The following CDH18 variants were observed in gnomAD, a reference collection of about 807,000 sequenced individuals.
CDH18 encodes cadherin 18.
In CDH18, 31 loss-of-function variants were observed where a neutral mutation model predicts 67.9. The ratio of observed to expected loss-of-function variants is 0.46; its 90% CI spans 0.34 to 0.62. The LOEUF (loss-of-function observed/expected upper bound fraction) is 0.62. Among genes scored for constraint, CDH18 ranks in the 20% least tolerant of loss-of-function variants. The pLI, the probability that CDH18 is intolerant of heterozygous loss-of-function variation, is 0.01. For missense variants in CDH18, 890 were observed against 975.5 expected, an observed-to-expected ratio of 0.91 and a Z score of 1.17; for synonymous variants, 362 against 347.2, an observed-to-expected ratio of 1.04 and a Z score of -0.48.
chr5:19,586,860 G>A (rs910196512), intron 7 of CDH18, among the ~76,000 whole-genome samples: 25 of 151,978 alleles, frequency 1.6e-4, no homozygotes, highest in African/African-American at 5.1e-4. Context: ...CCACAACCTC[G>A]TTAGCATCTG....
intron 2 of CDH18, among the ~76,000 whole-genome samples, chr5:20,157,439 TTTTA>T (rs1402229266): frequency 6.6e-6 from 1 of 152,128 alleles, no homozygotes; most frequent in Non-Finnish European, 1.5e-5. Flanking sequence ...TATTTTATTT[TTTTA>T]TTTATTTTCA....
intron 5 of CDH18, among the ~76,000 whole-genome samples, chr5:19,680,730 C>T (rs1037316948): frequency 6.6e-6 from 1 of 151,878 alleles, no homozygotes; most frequent in Non-Finnish European, 1.5e-5. Flanking sequence ...CATCTCACAC[C>T]AGACAGAATA....
chr5:19,949,850 G>A (rs376695717), intron 2 of CDH18, among the ~76,000 whole-genome samples: 1 of 151,774 alleles, frequency 6.6e-6, no homozygotes, highest in Non-Finnish European at 1.5e-5. Context: ...TCTACCCAGA[G>A]GAAAAGAAGT....
chr5:20,284,104 A>G (rs981620690), intron 1 of CDH18, among the ~76,000 whole-genome samples: 1 of 151,944 alleles, frequency 6.6e-6, no homozygotes, highest in Non-Finnish European at 1.5e-5. Flanking sequence ...GGGGCTGGGG[A>G]TGGTAGCGGG....
At chr5:19,630,976 G>A (rs1204389044) in intron 5 of CDH18, among the ~76,000 whole-genome samples, 3 of 151,886 alleles carry the variant, frequency 2.0e-5, no homozygotes, top group Non-Finnish European at 4.4e-5. Context: ...ACCAGAAATT[G>A]TATCACTTTT....
chr5:20,366,669 A>G (rs982295162), intron 1 of CDH18, among the ~76,000 whole-genome samples: 2 of 152,184 alleles, frequency 1.3e-5, no homozygotes, highest in African/African-American at 4.8e-5. Context: ...TAATTCATCA[A>G]CAGAGTTGTT....
intron 7 of CDH18, among the ~76,000 whole-genome samples, chr5:19,585,749 CACGTAGGTACTA>C (rs1744041081): frequency 6.6e-6 from 1 of 152,134 alleles, no homozygotes; most frequent in Non-Finnish European, 1.5e-5. Context: ...CTTTCTCCAC[CACGTAGGTACTA>C]ACCTTCTCCA....
intron 2 of CDH18, among the ~76,000 whole-genome samples, chr5:19,931,734 T>A (rs1445960673): frequency 6.6e-6 from 1 of 151,918 alleles, no homozygotes; most frequent in Non-Finnish European, 1.5e-5. Context: ...TAACACAGAA[T>A]GAAATATAAG....
At chr5:19,877,745 C>A (rs1230512842) in intron 2 of CDH18, among the ~76,000 whole-genome samples, 1 of 152,082 alleles carries the variant, frequency 6.6e-6, no homozygotes, top group African/African-American at 2.4e-5. Context: ...CATTCAAAGG[C>A]ACCGATGTAG....
chr5:20,206,871 G>A (rs1229781553), intron 2 of CDH18, among the ~76,000 whole-genome samples: 3 of 151,940 alleles, frequency 2.0e-5, no homozygotes, highest in Admixed American at 2.0e-4. Flanking sequence ...GGTCATATAT[G>A]AGAACCCCAC....
intron 2 of CDH18, among the ~76,000 whole-genome samples, chr5:20,075,955 G>A (rs190117416): frequency 3.8e-4 from 58 of 152,188 alleles, no homozygotes; most frequent in African/African-American, 1.3e-3. Context: ...GGGAATTCAG[G>A]AGCAGGATGA....
chr5:19,487,401 C>T (rs1308395320), intron 11 of CDH18, among the ~76,000 whole-genome samples: 1 of 152,046 alleles, frequency 6.6e-6, no homozygotes, highest in Admixed American at 6.6e-5. Context: ...GGGTTCACTG[C>T]ATTAAAAGTA....
intron 1 of CDH18, among the ~76,000 whole-genome samples, chr5:20,533,850 G>T (rs958159073): frequency 6.6e-6 from 1 of 151,844 alleles, no homozygotes; most frequent in East Asian, 1.9e-4. Context: ...CAGTATATTT[G>T]TAAGAACTGA....
intron 8 of CDH18, among the ~76,000 whole-genome samples, chr5:19,553,881 G>A (rs193007790): frequency 6.6e-5 from 10 of 151,808 alleles, no homozygotes; most frequent in Non-Finnish European, 1.3e-4. Flanking sequence ...TGATCCTCTC[G>A]CCTCGACCTT....
intron 2 of CDH18, among the ~76,000 whole-genome samples, chr5:20,034,386 G>A (rs1300982818): frequency 6.6e-6 from 1 of 151,994 alleles, no homozygotes; most frequent in African/African-American, 2.4e-5. Context: ...AACATACAGT[G>A]CTTTGGAGAT....
At chr5:19,503,418 T>A (rs1391156591) in intron 10 of CDH18, among the ~76,000 whole-genome samples, 2 of 152,130 alleles carry the variant, frequency 1.3e-5, no homozygotes, top group Admixed American at 6.6e-5. Context: ...TGTTTTCACA[T>A]GAATACCTGT....
At chr5:20,387,103 G>C (rs182651018) in intron 1 of CDH18, among the ~76,000 whole-genome samples, 1 of 152,120 alleles carries the variant, frequency 6.6e-6, no homozygotes, top group African/African-American at 2.4e-5. Flanking sequence ...CTTATTTATA[G>C]CTACTCAAAC....
chr5:19,829,402 C>T (rs1780777751), intron 3 of CDH18, among the ~76,000 whole-genome samples: 1 of 152,030 alleles, frequency 6.6e-6, no homozygotes, highest in Non-Finnish European at 1.5e-5. Context: ...ATCAGTAGCA[C>T]TTATATACAA....
At chr5:20,160,422 A>C (rs1751887625) in intron 2 of CDH18, among the ~76,000 whole-genome samples, 1 of 152,180 alleles carries the variant, frequency 6.6e-6, no homozygotes, top group African/African-American at 2.4e-5. Flanking sequence ...ATTAAACCCA[A>C]CCAAAAAATT....
Sources: gnomAD v4.1 joint callset for allele counts (sites outside exome capture counted in the v4.1 genomes callset) on GRCh38, gnomAD v4.1.1 for gene constraint, MANE v1.5 for transcripts, NCBI Gene and HGNC (gene_info 2026-07-23, HGNC 2026-07-21) for gene names.